The following GRID2 variants were observed in gnomAD, a reference collection of about 807,000 sequenced individuals.
GRID2 encodes the protein glutamate ionotropic receptor delta type subunit 2, also known as glutamate receptor ionotropic, delta-2.
In GRID2, 33 loss-of-function variants were observed where a neutral mutation model predicts 114.8. The ratio of observed to expected loss-of-function variants is 0.29; its 90% CI spans 0.22 to 0.38. The LOEUF is 0.38. Ranked by LOEUF, GRID2 falls within the 10% of genes least tolerant of loss-of-function variation. The probability of loss-of-function intolerance (pLI) is 1.00; values close to 1 mark genes in which losing one functional copy is unlikely to be tolerated. For missense variants in GRID2, 1,184 were observed against 1,257.7 expected (o/e 0.94, Z 0.89); for synonymous variants, 505 against 449.9 (o/e 1.12, Z -1.55).
intron 14 of GRID2, among the ~76,000 whole-genome samples, chr4:93,664,899 G>A (rs781329953): frequency 6.6e-6 from 1 of 152,154 alleles, no homozygotes; most frequent in Non-Finnish European, 1.5e-5. Context: ...CAGATTTTAA[G>A]AGAAAGTAAA....
chr4:92,716,479 T>C (rs1735557139), intron 2 of GRID2, among the ~76,000 whole-genome samples: 1 of 152,200 alleles, frequency 6.6e-6, no homozygotes, highest in African/African-American at 2.4e-5. Flanking sequence ...TAAATTTGGA[T>C]AGTACGTTGT....
intron 8 of GRID2, among the ~76,000 whole-genome samples, chr4:93,327,564 A>G (rs1757971102): frequency 6.6e-6 from 1 of 152,152 alleles, no homozygotes; most frequent in Admixed American, 6.5e-5. Flanking sequence ...AGCCATAAAA[A>G]AGAATGAATT....
Position 93,477,383 on chromosome 4 carries a change from G to A in GRID2, c.1859-13256G>A, listed in dbSNP as rs188400497. Among the ~76,000 whole-genome samples the A allele has an allele frequency of 5.5e-4, 84 of 152,170 alleles. 1 individual carries two copies. The East Asian group carries it at 0.014, about 25-fold the overall frequency. On this transcript the variant is annotated intron_variant, in intron 11 of 15. Coordinates refer to ENST00000282020, the MANE Select transcript of GRID2 (RefSeq NM_001510.4). ...GGTCATTCAGCCATAGCACTGACCC[G>A]TTCTGCTTTGTGCTAAACCTGCTTT...
chr4:92,749,306 G>A (rs1271833739), intron 2 of GRID2, among the ~76,000 whole-genome samples: 1 of 105,332 alleles, frequency 9.5e-6, no homozygotes, highest in East Asian at 3.5e-4. Flanking sequence ...GCCTTGATTT[G>A]TAGCTTTTTT....
intron 2 of GRID2, among the ~76,000 whole-genome samples, chr4:92,882,577 A>G (rs1291512149): frequency 6.6e-6 from 1 of 152,126 alleles, no homozygotes; most frequent in Non-Finnish European, 1.5e-5. Flanking sequence ...ATTAAAAATG[A>G]GACATTTTAT....
intron 2 of GRID2, chr4:92,821,848 T>C (rs1360288284): frequency 1.3e-5 from 2 of 153,024 alleles, no homozygotes; most frequent in African/African-American, 2.4e-5. Flanking sequence ...TTTCATAATA[T>C]GAACAGCCAC....
At chr4:93,274,318 C>T (rs551078691) in intron 8 of GRID2, among the ~76,000 whole-genome samples, 3 of 152,050 alleles carry the variant, frequency 2.0e-5, no homozygotes, top group South Asian at 2.1e-4. Flanking sequence ...AAAGGCACTT[C>T]GGGGTTTTAT....
chr4:93,413,011 G>A (rs1176774740), intron 9 of GRID2, among the ~76,000 whole-genome samples: 1 of 152,112 alleles, frequency 6.6e-6, no homozygotes, highest in East Asian at 1.9e-4. Flanking sequence ...GGGCATTTGG[G>A]TTGGTTCCAA....
chr4:93,489,649 C>A (rs1444449127), intron 11 of GRID2, among the ~76,000 whole-genome samples: 1 of 151,754 alleles, frequency 6.6e-6, no homozygotes, highest in African/African-American at 2.4e-5. Context: ...CAGCAGTAGA[C>A]AGGATGAGAT....
chr4:93,007,122 A>G (rs427706), intron 2 of GRID2, among the ~76,000 whole-genome samples: 16 of 151,984 alleles, frequency 1.1e-4, no homozygotes, highest in African/African-American at 2.2e-4. Flanking sequence ...GCCATTAGGT[A>G]GCTACAGAAG....
intron 14 of GRID2, among the ~76,000 whole-genome samples, chr4:93,666,686 G>A (rs1723979037): frequency 6.6e-6 from 1 of 151,974 alleles, no homozygotes; most frequent in African/African-American, 2.4e-5. Flanking sequence ...GTTGACCTAA[G>A]CTTTCAGTCA....
intron 8 of GRID2, among the ~76,000 whole-genome samples, chr4:93,330,081 C>G (rs192624006): frequency 2.6e-5 from 4 of 152,022 alleles, no homozygotes; most frequent in African/African-American, 9.7e-5. Flanking sequence ...AGGTAAAATA[C>G]CTGGTGGTTG....
chr4:92,850,580 A>G (rs1743701661), intron 2 of GRID2, among the ~76,000 whole-genome samples: 1 of 151,906 alleles, frequency 6.6e-6, no homozygotes, highest in South Asian at 2.1e-4. Context: ...CTATGGTATC[A>G]TGTTTATTTC....
chr4:92,826,314 G>T (rs1203559283), intron 2 of GRID2, among the ~76,000 whole-genome samples: 2 of 152,032 alleles, frequency 1.3e-5, no homozygotes, highest in Non-Finnish European at 2.9e-5. Context: ...AGACTCTTTT[G>T]CTCTTTACAT....
rs553232256 is a variant in GRID2, at chr4:92,803,820, G to T, written c.244+213534G>T. ...GCTGTAACAGAGTTCCACAAACTGG[G>T]TGGCTTCAAATGACAATGAGACTTT... is the stretch of plus-strand genomic sequence containing the variant. On this transcript the variant is annotated intron_variant, in intron 2 of 15. Transcript: ENST00000282020. Among the ~76,000 whole-genome samples the T allele has an allele frequency of 6.8e-4, 103 of 152,098 alleles. 1 individual carries two copies. The highest frequency in any genetic ancestry group is 7.4e-5 in the Non-Finnish European group (5 of 67,940).
chr4:93,281,089 A>C (rs554996386), intron 8 of GRID2, among the ~76,000 whole-genome samples: 1 of 152,082 alleles, frequency 6.6e-6, no homozygotes, highest in South Asian at 2.1e-4. Context: ...TATTTTGATA[A>C]GTGCTTTAAA....
intron 2 of GRID2, among the ~76,000 whole-genome samples, chr4:92,761,871 C>A (rs79520089): frequency 1.3e-5 from 2 of 151,992 alleles, no homozygotes; most frequent in Non-Finnish European, 2.9e-5. Flanking sequence ...TTCCTGACTT[C>A]GATTTGAAAA....
intron 1 of GRID2, among the ~76,000 whole-genome samples, chr4:92,485,338 ATATATATATAGT>A (rs1457233233): frequency 0.021 from 1,893 of 90,644 alleles, 16 homozygotes; most frequent in East Asian, 0.057. Context: ...ATATATATAT[ATATATATATAGT>A]GTGTGTGTGT....
intron 8 of GRID2, among the ~76,000 whole-genome samples, chr4:93,354,459 T>C (rs1173767600): frequency 6.6e-6 from 1 of 151,954 alleles, no homozygotes; most frequent in Non-Finnish European, 1.5e-5. Context: ...CAAATTTTTT[T>C]GAGGGAAAGA....
Sources: gnomAD v4.1 joint callset for allele counts (sites outside exome capture counted in the v4.1 genomes callset) on GRCh38, gnomAD v4.1.1 for gene constraint, MANE v1.5 for transcripts, NCBI Gene and HGNC (gene_info 2026-07-23, HGNC 2026-07-21) for gene names.